Variants in RP1L1 observed in about 807,000 individuals in gnomAD.
The protein encoded by RP1L1 is RP1 like 1, also known as retinitis pigmentosa 1-like 1 protein.
In RP1L1, 27 loss-of-function variants were observed where a neutral mutation model predicts 15.7. The observed-to-expected ratio is 1.72, with a 90% CI of 1.27 to 2.38. The LOEUF is 2.38. Among genes scored for constraint, RP1L1 ranks in the 30% most tolerant of loss-of-function variants. RP1L1 has a pLI of 0.00. For synonymous variants in RP1L1, 1,813 were observed against 1,276.7 expected, an observed-to-expected ratio of 1.42 and a Z score of -8.96; for missense variants, 4,798 against 3,075.9, an observed-to-expected ratio of 1.56 and a Z score of -13.24.
In RP1L1 at chr8:10,610,499, C is replaced by A; in HGVS notation, c.3599G>T (p.Gly1200Val). Residue 1200 changes from glycine (G) to valine (V), a missense_variant, in exon 4 of 4, where the codon GGT becomes GTT. Transcript: ENST00000382483. ...TENFTPTSSS[G>V]VDISSGSGGS... ...TCCAGAGCCGCTGCTGATGTCCACA[C>A]CAGAGGAGGATGTGGGCGTGAAGTT... is the stretch of plus-strand genomic sequence containing the variant. The A allele has an allele frequency of 1.2e-6, 2 of 1,613,780 alleles. No individual in the cohort carries two copies. Among genetic ancestry groups the A allele is most frequent in the East Asian group, 4.5e-5 (2 of 44,866 alleles).
rs557198895 is a variant in RP1L1, at chr8:10,606,629, G to A, written c.*266C>T. 351 of 521,512 alleles carry A rather than the reference G, an allele frequency of 6.7e-4. 2 individuals carry two copies. Among genetic ancestry groups the A allele is most frequent in the African/African-American group, 6.1e-3 (318 of 52,266 alleles). 32.3% of individuals were successfully genotyped at this position (521,512 alleles called of 1,614,324 possible). ...GGGCTCTGCAGACAAATAAATAGGA[G>A]CCGGGCTGACCTCCGATAACCGGGC... On this transcript the variant is annotated 3_prime_UTR_variant, in exon 4 of 4. Coordinates refer to ENST00000382483, the MANE Select transcript of RP1L1 (RefSeq NM_178857.6).
At chr8:10,629,259 G>T (rs952952931) in intron 1 of RP1L1, among the ~76,000 whole-genome samples, 4 of 148,144 alleles carry the variant, frequency 2.7e-5, no homozygotes, top group Non-Finnish European at 5.9e-5. Flanking sequence ...AGCTGCCAAG[G>T]GTCTGGAAAG....
chr8:10,615,169 T>C (rs1394112795), intron 3 of RP1L1, among the ~76,000 whole-genome samples: 1 of 152,122 alleles, frequency 6.6e-6, no homozygotes, highest in Non-Finnish European at 1.5e-5. Flanking sequence ...ACCGAGCCTG[T>C]CCCTTGGGCC....
intron 2 of RP1L1, among the ~76,000 whole-genome samples, chr8:10,620,709 G>A (rs1012142609): frequency 1.3e-5 from 2 of 152,224 alleles, no homozygotes; most frequent in Admixed American, 1.3e-4. Context: ...TAGGCAACAA[G>A]GAAGTTCTGT....
In RP1L1 at chr8:10,611,599, C is replaced by T. The variant is rs373310698; in HGVS notation, c.2499G>A (p.Pro833=). ...SHCCSQPGTQ[P]AQEAQRGPSP... ...AGGGTCCCCGCTGGGCCTCTTGGGC[C>T]GGCTGCGTCCCAGGCTGTGAGCAGC... The change falls in exon 4 of 4, where the codon CCG becomes CCA. Residue 833 remains proline (P), a synonymous_variant. Coordinates refer to ENST00000382483, the MANE Select transcript of RP1L1 (RefSeq NM_178857.6). 2,089 of 1,611,916 alleles carry T rather than the reference C, an allele frequency of 1.3e-3. 1 individual carries two copies. The highest frequency in any genetic ancestry group is 1.6e-3 in the Admixed American group (96 of 59,870).
rs574509005 is a variant in RP1L1 at position 10,610,386 on chromosome 8, T to G, written c.3712A>C (p.Arg1238=). 30 of 1,614,102 alleles carry G rather than the reference T, an allele frequency of 1.9e-5. No homozygotes were observed. The Admixed American group carries it at 2.3e-4, about 13-fold the overall frequency. ...TELPLKTSNQ[R]PDSRTYESPG... is the part of the protein sequence containing the mutation. Reference sequence around the variant, plus strand: ...CTCTCATAAGTTCTTGAATCAGGCCTCTGGTTGGAGGTTTTCAGGGGCAGC... The same window carrying G: ...CTCTCATAAGTTCTTGAATCAGGCCGCTGGTTGGAGGTTTTCAGGGGCAGC... Residue 1238 remains arginine (R), a synonymous_variant, in exon 4 of 4, where the codon AGG becomes CGG. Transcript: ENST00000382483.
At chr8:10,651,358 G>A (rs1333038853) in intron 1 of RP1L1, among the ~76,000 whole-genome samples, 1 of 152,228 alleles carries the variant, frequency 6.6e-6, no homozygotes, top group Non-Finnish European at 1.5e-5. Flanking sequence ...CTTGCCAGGT[G>A]AATCTGGGGC....
In RP1L1 at chr8:10,622,665, G is replaced by A. The variant is rs749646079; in HGVS notation, c.537C>T (p.Ala179=). 128 of 1,614,068 alleles carry A rather than the reference G, an allele frequency of 7.9e-5. No homozygotes were observed. The highest frequency in any genetic ancestry group is 1.0e-4 in the Non-Finnish European group (119 of 1,180,050). ...GATCTGAGGCTTTGCCGAGAAAGGC[G>A]GCCAGGTTCCTAGTATTCCTGTGAC... The part of the protein sequence containing the change: ...VLSHRNTRNL[A]AFLGKASDLL... The change falls in exon 2 of 4, where the codon GCC becomes GCT. Residue 179 remains alanine (A), a synonymous_variant. Transcript: ENST00000382483.
At position 10,639,762 on chromosome 8, in the gene RP1L1, C is replaced by T. The variant is rs566430308; in HGVS notation, c.-20+15136G>A. 5.3e-5 allele frequency among the ~76,000 whole-genome samples: 8 copies of T among 152,206 alleles called. No individual in the cohort carries two copies. The East Asian group carries it at 9.7e-4, about 18-fold the overall frequency. ...GACCTCCGGGAAAGTTTGACCGAAC[C>T]GTACATAGACTACCTTTATTTCAAG... On this transcript the variant is annotated intron_variant, in intron 1 of 3. Transcript: ENST00000382483.
chr8:10,636,203 A>G (rs1296552098), intron 1 of RP1L1, among the ~76,000 whole-genome samples: 1 of 152,250 alleles, frequency 6.6e-6, no homozygotes, highest in Non-Finnish European at 1.5e-5. Flanking sequence ...TTCTGGGTCT[A>G]TAACAAGAGT....
chr8:10,630,495 C>A (rs1798224816), intron 1 of RP1L1, among the ~76,000 whole-genome samples: 1 of 152,204 alleles, frequency 6.6e-6, no homozygotes, highest in Non-Finnish European at 1.5e-5. Context: ...TGAGAGTTGT[C>A]AAGGACAGGT....
intron 1 of RP1L1, among the ~76,000 whole-genome samples, chr8:10,635,492 T>C (rs1381085714): frequency 6.6e-6 from 1 of 152,184 alleles, no homozygotes; most frequent in Non-Finnish European, 1.5e-5. Context: ...AATCCATTCC[T>C]CCACTCTACA....
rs1563125110 is a variant in RP1L1, at chr8:10,612,321, T to A, written c.1777A>T (p.Thr593Ser). 6 of 1,613,100 alleles carry A rather than the reference T, an allele frequency of 3.7e-6. No homozygotes were observed. The highest frequency in any genetic ancestry group is 5.1e-6 in the Non-Finnish European group (6 of 1,180,032). Residue 593 changes from threonine (T) to serine (S), a missense_variant, in exon 4 of 4, where the codon ACG becomes TCG. Physicochemically the swap from Thr to Ser is moderately conservative, Grantham distance 58. Coordinates refer to ENST00000382483, the MANE Select transcript of RP1L1 (RefSeq NM_178857.6). Reference sequence around the variant, plus strand: ...GCCTGCTCGGTGCCCTGTCCTTGCGTCTCTGCCTGCAGGTCGTCACTCCTT... The same window carrying A: ...GCCTGCTCGGTGCCCTGTCCTTGCGACTCTGCCTGCAGGTCGTCACTCCTT... The part of the protein sequence containing the change: ...SLRSDDLQAE[T>S]QGQGTEQATG...
chr8:10,614,365 C>G (rs1360795774), intron 3 of RP1L1, among the ~76,000 whole-genome samples: 1 of 152,082 alleles, frequency 6.6e-6, no homozygotes, highest in Non-Finnish European at 1.5e-5. Flanking sequence ...AGGAGTGGCT[C>G]TAAGAAAGAA....
intron 1 of RP1L1, among the ~76,000 whole-genome samples, chr8:10,635,185 T>C (rs746795971): frequency 3.3e-5 from 5 of 152,138 alleles, no homozygotes; most frequent in Non-Finnish European, 5.9e-5. Context: ...AGGAAGTCAC[T>C]TTACCTCCCC....
At position 10,612,903 on chromosome 8, in the gene RP1L1, CG is replaced by C. The variant is rs1297223587; in HGVS notation, c.1194del (p.Gln400SerfsTer90). On this transcript the variant is annotated frameshift_variant, in exon 4 of 4. Coordinates refer to ENST00000382483, the MANE Select transcript of RP1L1 (RefSeq NM_178857.6). LOFTEE classifies it low-confidence loss of function (END_TRUNC). ...ATTTCATACTTGGGCCCTGGCTGCC[CG>C]CCTCGGCCAAAGACTTCCCTGCATC... Reference protein sequence around the residue: ...RVGCREVFGRGGQPGPKYEIW... With the variant: ...RVGCREVFGRXGQPGPKYEIW... The C allele has an allele frequency of 6.2e-7, 1 of 1,612,840 alleles. No individual in the cohort carries two copies. The highest frequency in any genetic ancestry group is 8.5e-7 in the Non-Finnish European group (1 of 1,179,880).
chr8:10,641,070 T>G (rs1387484610), intron 1 of RP1L1, among the ~76,000 whole-genome samples: 3 of 152,206 alleles, frequency 2.0e-5, no homozygotes, highest in African/African-American at 7.2e-5. Flanking sequence ...CACAACTGAC[T>G]AAATAACATT....
In RP1L1 at chr8:10,610,585, G is replaced by T. The variant is rs201740490; in HGVS notation, c.3513C>A (p.Gly1171=). The part of the protein sequence containing the change: ...CDVGEDQLDS[G]LWELTWSQAL... ...CCTGGCTCCATGTGAGCTCCCAGAG[G>T]CCTGAGTCCAGCTGGTCTTCCCCAA... The change falls in exon 4 of 4, where the codon GGC becomes GGA. Residue 1171 remains glycine (G), a synonymous_variant. Transcript: ENST00000382483. 12 of 1,613,626 alleles carry T rather than the reference G, an allele frequency of 7.4e-6. No individual in the cohort carries two copies. Among genetic ancestry groups the T allele is most frequent in the Non-Finnish European group, 9.3e-6 (11 of 1,180,026 alleles).
chr8:10,653,380 G>T (rs1323539991), intron 1 of RP1L1, among the ~76,000 whole-genome samples: 2 of 151,900 alleles, frequency 1.3e-5, no homozygotes, highest in African/African-American at 4.8e-5. Flanking sequence ...GAGGAGCAGA[G>T]AACTATGTTG....
Sources: allele counts gnomAD v4.1 joint callset (sites outside exome capture counted in the v4.1 genomes callset), GRCh38; gene constraint gnomAD v4.1.1; transcripts MANE v1.5; gene names NCBI Gene and HGNC (gene_info 2026-07-23, HGNC 2026-07-21).